The following CDH17 variants were observed in gnomAD, a reference collection of about 807,000 sequenced individuals.
The protein encoded by CDH17 is cadherin-17.
A neutral mutation model predicts 86.3 loss-of-function variants in CDH17; 67 were observed. That is an observed-to-expected ratio of 0.78 (90% CI 0.64 to 0.95). The LOEUF is 0.95. Ranked by LOEUF, CDH17 falls within the 40% of genes least tolerant of loss-of-function variation. The pLI, the probability that CDH17 is intolerant of heterozygous loss-of-function variation, is 0.00. For synonymous variants in CDH17, 367 were observed against 366.4 expected (o/e 1.00, Z -0.02); for missense variants, 993 against 1,017.6 (o/e 0.98, Z 0.33).
Position 94,199,063 on chromosome 8 carries a change from ATATATATATATATATATATATTTTTTTT to A in CDH17, c.-20-4386_-20-4359del, listed in dbSNP as rs1475478300. ...GATATATATATATATATATATATATATATATATATATATATATATATTTTTTTTTTTTTATCATTTGTCTGTTAGCATT... is the reference window on the plus strand; with the variant it reads ...GATATATATATATATATATATATATATTTTTATCATTTGTCTGTTAGCATT... On this transcript the variant is annotated intron_variant, in intron 1 of 17. Transcript: ENST00000027335. Among the ~76,000 whole-genome samples the A allele has an allele frequency of 9.4e-5, 2 of 21,228 alleles. 1 individual carries two copies. Among genetic ancestry groups the A allele is most frequent in the African/African-American group, 3.0e-4 (2 of 6,610 alleles). The allele number at this position is 21,228 out of a possible 152,430, so 13.9% of individuals were successfully genotyped here. A position where few individuals can be genotyped will look rare whatever the true frequency, so the allele number is the denominator to read the frequency against.
intron 1 of CDH17, among the ~76,000 whole-genome samples, chr8:94,199,857 G>GATA (rs1180515781): frequency 6.6e-6 from 1 of 152,090 alleles, no homozygotes; most frequent in African/African-American, 2.4e-5. Flanking sequence ...ATAAAGCAGG[G>GATA]ATAATAATAA....
At chr8:94,191,526 C>T (rs1039231083) in intron 2 of CDH17, among the ~76,000 whole-genome samples, 1 of 150,202 alleles carries the variant, frequency 6.7e-6, no homozygotes, top group Non-Finnish European at 1.5e-5. Context: ...ATCTTGGCTC[C>T]CTGCAACATC....
At chr8:94,201,205 T>C (rs1028011055) in intron 1 of CDH17, among the ~76,000 whole-genome samples, 8 of 152,204 alleles carry the variant, frequency 5.3e-5, no homozygotes, top group Admixed American at 5.2e-4. Flanking sequence ...TTGTTTCTAC[T>C]GCAAATGTAT....
intron 1 of CDH17, among the ~76,000 whole-genome samples, chr8:94,215,267 G>T (rs1814176039): frequency 6.6e-6 from 1 of 152,046 alleles, no homozygotes; most frequent in Non-Finnish European, 1.5e-5. Context: ...ATAAAATGTG[G>T]TATCCATATG....
intron 15 of CDH17, among the ~76,000 whole-genome samples, chr8:94,142,198 G>A (rs776514765): frequency 3.9e-5 from 6 of 152,146 alleles, no homozygotes; most frequent in East Asian, 1.9e-4. Context: ...ATATCTCAGC[G>A]ATATGGGTTT....
intron 9 of CDH17, among the ~76,000 whole-genome samples, chr8:94,167,362 A>G (rs73695139): frequency 0.023 from 3,454 of 152,134 alleles, 116 homozygotes; most frequent in African/African-American, 0.071. Context: ...ACTTGAATTC[A>G]TCCCATTTGT....
At chr8:94,136,004 G>A (rs867113713) in intron 15 of CDH17, among the ~76,000 whole-genome samples, 61 of 152,248 alleles carry the variant, frequency 4.0e-4, no homozygotes, top group African/African-American at 1.4e-3. Flanking sequence ...TGGCTTGTAG[G>A]GTTTCTGTAG....
At chr8:94,181,850 T>C (rs1369073490) in intron 3 of CDH17, among the ~76,000 whole-genome samples, 4 of 151,466 alleles carry the variant, frequency 2.6e-5, no homozygotes, top group Non-Finnish European at 2.9e-5. Flanking sequence ...AAAACCAGAG[T>C]TGATTATTTG....
chr8:94,184,738 GA>G (rs979688488), intron 3 of CDH17, among the ~76,000 whole-genome samples: 17 of 150,462 alleles, frequency 1.1e-4, no homozygotes, highest in Admixed American at 6.0e-4. Flanking sequence ...TTTAAAATGA[GA>G]AAAAAAAAGA....
intron 3 of CDH17, among the ~76,000 whole-genome samples, chr8:94,187,521 C>T (rs1813605142): frequency 1.3e-5 from 2 of 152,236 alleles, no homozygotes; most frequent in African/African-American, 4.8e-5. Context: ...GTGTGAGCCC[C>T]TGCCAGAGTC....
chr8:94,145,907 C>T (rs1310435821), intron 15 of CDH17, 21 bp downstream of exon 15: 14 of 1,594,994 alleles, frequency 8.8e-6, no homozygotes, highest in Admixed American at 7.1e-5. Flanking sequence ...TGTTTTTTTC[C>T]ATGTATTTCT....
rs918365597 is a variant in CDH17, at chr8:94,208,523, T to C, written c.-61A>G. On this transcript the variant is annotated 5_prime_UTR_variant, in exon 1 of 18. Coordinates refer to ENST00000027335, the MANE Select transcript of CDH17 (RefSeq NM_004063.4). The stretch of plus-strand genomic sequence containing the variant: ...AAAATGGTGGTTAAAAGTCCTTTTC[T>C]TCCATTCAGTGGTCGAGACTCTTGC... 5 of 152,234 alleles carry C rather than the reference T, an allele frequency of 3.3e-5. No homozygotes were observed. The highest frequency in any genetic ancestry group is 1.2e-4 in the African/African-American group (5 of 41,456). The allele number at this position is 152,234 out of a possible 1,614,324, so 9.4% of individuals were successfully genotyped here.
intron 15 of CDH17, among the ~76,000 whole-genome samples, chr8:94,140,643 G>C (rs1384902166): frequency 3.3e-5 from 5 of 151,962 alleles, no homozygotes; most frequent in Non-Finnish European, 4.4e-5. Context: ...ACCAAAAGCT[G>C]GTTCTTTGAA....
intron 12 of CDH17, among the ~76,000 whole-genome samples, chr8:94,152,454 CG>C (rs1812874151): frequency 6.6e-6 from 1 of 152,156 alleles, no homozygotes; most frequent in African/African-American, 2.4e-5. Flanking sequence ...AGTGCAGTGG[CG>C]CAATCTTGGC....
intron 9 of CDH17, among the ~76,000 whole-genome samples, chr8:94,169,179 C>T (rs1432154212): frequency 3.3e-5 from 5 of 152,136 alleles, no homozygotes; most frequent in Admixed American, 3.3e-4. Context: ...TTCAGTGTCA[C>T]AGACCATCCC....
intron 1 of CDH17, among the ~76,000 whole-genome samples, chr8:94,204,077 T>C (rs1362540657): frequency 6.6e-6 from 1 of 152,336 alleles, no homozygotes; most frequent in East Asian, 1.9e-4. Flanking sequence ...ATATAATCAA[T>C]TATAATACAC....
In CDH17 at chr8:94,171,017, C is replaced by T. The variant is rs113688538; in HGVS notation, c.784-32G>A. ...GGCCCAAAGTCAGTTGTGAGGAAAG[C>T]TGTATTTGGACTGAGAGAACTGGAA... On this transcript the variant is annotated intron_variant, in intron 7 of 17. Coordinates refer to ENST00000027335, the MANE Select transcript of CDH17 (RefSeq NM_004063.4). The T allele has an allele frequency of 2.9e-5, 46 of 1,606,316 alleles. 1 individual carries two copies. The Middle Eastern group carries it at 5.0e-4, about 17-fold the overall frequency.
At chr8:94,192,939 A>G (rs1049426697) in intron 2 of CDH17, among the ~76,000 whole-genome samples, 1 of 152,212 alleles carries the variant, frequency 6.6e-6, no homozygotes, top group Non-Finnish European at 1.5e-5. Flanking sequence ...ATAAAGCCCT[A>G]TGCAGAAGGC....
chr8:94,161,479 G>A (rs1813049540), intron 11 of CDH17, among the ~76,000 whole-genome samples: 1 of 152,172 alleles, frequency 6.6e-6, no homozygotes, highest in African/African-American at 2.4e-5. Flanking sequence ...GGGAAACAAT[G>A]ATAAAGTCAT....
Sources: allele counts gnomAD v4.1 joint callset (sites outside exome capture counted in the v4.1 genomes callset), GRCh38; gene constraint gnomAD v4.1.1; transcripts MANE v1.5; gene names NCBI Gene and HGNC (gene_info 2026-07-23, HGNC 2026-07-21).